GTF2F2: variants seen among roughly 807,000 people sequenced by gnomAD.
The protein encoded by GTF2F2 is general transcription factor IIF subunit 2.
GTF2F2 carries 23 observed loss-of-function variants against 42.2 expected under a neutral mutation model. That is an observed-to-expected ratio of 0.55 (90% CI 0.39 to 0.77). The LOEUF (loss-of-function observed/expected upper bound fraction) is 0.77, where lower values mean the gene tolerates loss of function less well. Ranked by LOEUF, GTF2F2 falls within the 30% of genes least tolerant of loss-of-function variation. The pLI, the probability that GTF2F2 is intolerant of heterozygous loss-of-function variation, is 0.00. For synonymous variants in GTF2F2, 105 were observed against 100.8 expected, an observed-to-expected ratio of 1.04 and a Z score of -0.25; for missense variants, 261 against 287.2, an observed-to-expected ratio of 0.91 and a Z score of 0.66.
chr13:45,120,564 CG>C lies in GTF2F2; in HGVS notation c.-90del. ...AACGCCGGCTCTTCGCCTCTCAGCG[CG>C]GCTTGTCCTTTGTTCCGGACGCCCG... On this transcript the variant is annotated 5_prime_UTR_variant, in exon 1 of 8. Coordinates refer to ENST00000340473, the MANE Select transcript of GTF2F2 (RefSeq NM_004128.3). 2.3e-6 allele frequency: 2 copies of C among 869,872 alleles called. No individual in the cohort carries two copies. Among genetic ancestry groups the C allele is most frequent in the South Asian group, 2.9e-5 (2 of 68,198 alleles). The allele number at this position is 869,872 out of a possible 1,614,324, so 53.9% of individuals were successfully genotyped here. A position where few individuals can be genotyped will look rare whatever the true frequency, so the allele number is the denominator to read the frequency against.
intron 1 of GTF2F2, among the ~76,000 whole-genome samples, chr13:45,129,666 ATTC>A (rs1869232763): frequency 6.6e-6 from 1 of 152,222 alleles, no homozygotes; most frequent in South Asian, 2.1e-4. Flanking sequence ...AATGATAACT[ATTC>A]TTCTATTCTG....
chr13:45,207,564 G>A (rs1873470161), intron 5 of GTF2F2, 59 bp downstream of exon 5: 8 of 1,007,322 alleles, frequency 7.9e-6, no homozygotes, highest in Middle Eastern at 2.0e-4. Flanking sequence ...ATTGAGATAC[G>A]TGTGTTATAT....
chr13:45,253,289 A>G lies in GTF2F2; in HGVS notation c.486+319A>G, dbSNP rs910058958. On this transcript the variant is annotated intron_variant, in intron 6 of 7. Transcript: ENST00000340473. ...TTGCTGATGTTTTAAATTACAATGT[A>G]CTAACTAAATATTAGTTTTACTATT... 1.5e-4 allele frequency among the ~76,000 whole-genome samples: 23 copies of G among 152,294 alleles called. 1 individual carries two copies. The East Asian group carries it at 3.5e-3, about 23-fold the overall frequency.
chr13:45,203,671 A>G (rs1264376633), intron 4 of GTF2F2, among the ~76,000 whole-genome samples: 2 of 152,188 alleles, frequency 1.3e-5, no homozygotes, highest in African/African-American at 4.8e-5. Flanking sequence ...AATTATTAAA[A>G]CTAATATAGA....
At chr13:45,216,078 A>T (rs1179842942) in intron 5 of GTF2F2, among the ~76,000 whole-genome samples, 1 of 151,804 alleles carries the variant, frequency 6.6e-6, no homozygotes, top group Non-Finnish European at 1.5e-5. Context: ...CCATCCCTAC[A>T]ACAACAACAA....
At chr13:45,126,181 G>A (rs1472264062) in intron 1 of GTF2F2, among the ~76,000 whole-genome samples, 1 of 151,980 alleles carries the variant, frequency 6.6e-6, no homozygotes, top group Non-Finnish European at 1.5e-5. Context: ...TAGCAGTTGG[G>A]GAACTAGATA....
At chr13:45,280,205 G>A (rs984623931) in intron 7 of GTF2F2, among the ~76,000 whole-genome samples, 4 of 152,224 alleles carry the variant, frequency 2.6e-5, no homozygotes, top group Admixed American at 2.0e-4. Context: ...GTGAGGGGGA[G>A]TGTTGGAAGA....
intron 4 of GTF2F2, among the ~76,000 whole-genome samples, chr13:45,198,944 A>G (rs2138179930): frequency 6.6e-6 from 1 of 152,316 alleles, no homozygotes; most frequent in South Asian, 2.1e-4. Flanking sequence ...TCCCATGTTA[A>G]TGTAATTCTT....
intron 7 of GTF2F2, among the ~76,000 whole-genome samples, chr13:45,280,781 A>T (rs1420072684): frequency 2.0e-5 from 3 of 152,182 alleles, no homozygotes; most frequent in African/African-American, 7.2e-5. Flanking sequence ...CTGGGCCTAG[A>T]TTATAAATGG....
At chr13:45,244,860 C>T (rs1488618439) in intron 5 of GTF2F2, among the ~76,000 whole-genome samples, 1 of 152,056 alleles carries the variant, frequency 6.6e-6, no homozygotes. Flanking sequence ...TTAGTAGAAA[C>T]GGAGTTTCAT....
At chr13:45,165,570 C>T (rs959762217) in intron 4 of GTF2F2, among the ~76,000 whole-genome samples, 1 of 145,024 alleles carries the variant, frequency 6.9e-6, no homozygotes, top group Non-Finnish European at 1.5e-5. Flanking sequence ...TGCCCTCGCC[C>T]CCCCCCGCCG....
intron 4 of GTF2F2, among the ~76,000 whole-genome samples, chr13:45,169,521 A>G (rs1871489389): frequency 6.6e-6 from 1 of 152,210 alleles, no homozygotes; most frequent in African/African-American, 2.4e-5. Flanking sequence ...CAGCAAACTA[A>G]TGCAGTGTGA....
At chr13:45,247,381 A>T (rs973457403) in intron 5 of GTF2F2, among the ~76,000 whole-genome samples, 1 of 151,216 alleles carries the variant, frequency 6.6e-6, no homozygotes, top group Non-Finnish European at 1.5e-5. Flanking sequence ...TGTTAGACAG[A>T]TACCTGGTTT....
chr13:45,238,596 A>G (rs985696690), intron 5 of GTF2F2, among the ~76,000 whole-genome samples: 3 of 152,142 alleles, frequency 2.0e-5, no homozygotes, highest in Non-Finnish European at 2.9e-5. Flanking sequence ...CGAGATGAAA[A>G]GCAGTTTACT....
intron 5 of GTF2F2, among the ~76,000 whole-genome samples, chr13:45,232,286 ATAAT>A (rs986134781): frequency 2.0e-5 from 3 of 152,178 alleles, no homozygotes; most frequent in Non-Finnish European, 2.9e-5. Flanking sequence ...CTTTAAATAA[ATAAT>A]TCTGGTTTTA....
At chr13:45,123,361 C>A (rs1566105948) in intron 1 of GTF2F2, 1 of 152,306 alleles carries the variant, frequency 6.6e-6, no homozygotes, top group East Asian at 1.9e-4. Flanking sequence ...GGTGCAGTGG[C>A]TGATGTCTGT....
chr13:45,169,722 C>T (rs947946365), intron 4 of GTF2F2, among the ~76,000 whole-genome samples: 2 of 152,216 alleles, frequency 1.3e-5, no homozygotes, highest in Non-Finnish European at 2.9e-5. Flanking sequence ...ATCCCTGTAA[C>T]CACCACTCAG....
In GTF2F2 at chr13:45,278,816, C is replaced by CTTTTTTTTTTTTTTTTTTT. The variant is rs1157972776; in HGVS notation, c.631-4619_631-4601dup. Among the ~76,000 whole-genome samples the CTTTTTTTTTTTTTTTTTTT allele has an allele frequency of 2.6e-4, 16 of 62,300 alleles. 1 individual carries two copies. The highest frequency in any genetic ancestry group is 1.1e-3 in the African/African-American group (16 of 14,358). 40.9% of individuals were successfully genotyped at this position (62,300 alleles called of 152,430 possible). A position where few individuals can be genotyped will look rare whatever the true frequency, so the allele number is the denominator to read the frequency against. ...CCTGCCAATTTGCCTTTTTCTTTTT[C>CTTTTTTTTTTTTTTTTTTT]TTTTTTTTTTTTTTTTTTTTTTTTT... is the stretch of plus-strand genomic sequence containing the variant. On this transcript the variant is annotated intron_variant, in intron 7 of 7. Coordinates refer to ENST00000340473, the MANE Select transcript of GTF2F2 (RefSeq NM_004128.3).
At chr13:45,192,735 C>G (rs1872711884) in intron 4 of GTF2F2, 1 of 152,124 alleles carries the variant, frequency 6.6e-6, no homozygotes, top group Non-Finnish European at 1.5e-5. Context: ...CTCACTGAGT[C>G]TGAGATTTAG....
Sources: gnomAD v4.1 joint callset for allele counts (sites outside exome capture counted in the v4.1 genomes callset) on GRCh38, gnomAD v4.1.1 for gene constraint, MANE v1.5 for transcripts, NCBI Gene and HGNC (gene_info 2026-07-23, HGNC 2026-07-21) for gene names.